The following PSME4 variants were observed in gnomAD, a reference collection of about 807,000 sequenced individuals.
PSME4 encodes proteasome activator complex subunit 4.
A neutral mutation model predicts 253.9 loss-of-function variants in PSME4; 89 were observed. The observed-to-expected ratio is 0.35, with a 90% confidence interval of 0.30 to 0.42. The LOEUF is 0.42. Ranked by LOEUF, PSME4 falls within the 10% of genes least tolerant of loss-of-function variation. The pLI is 1.00. For synonymous variants in PSME4, 851 were observed against 759.2 expected, an observed-to-expected ratio of 1.12 and a Z score of -1.99; for missense variants, 2,014 against 2,195.2, an observed-to-expected ratio of 0.92 and a Z score of 1.65.
At chr2:53,958,030 A>G (rs756934743) in intron 1 of PSME4, among the ~76,000 whole-genome samples, 5 of 152,048 alleles carry the variant, frequency 3.3e-5, no homozygotes, top group Non-Finnish European at 7.4e-5. Flanking sequence ...TACTAAAAAT[A>G]CAAAAATTAG....
intron 31 of PSME4, 111 bp from the exon 32 acceptor site, chr2:53,896,996 G>T: frequency 1.3e-6 from 1 of 786,414 alleles, no homozygotes; most frequent in Non-Finnish European, 2.2e-6. Flanking sequence ...AAAACACCTC[G>T]CCTATCGACA....
At chr2:53,964,938 T>C (rs1047247107) in intron 1 of PSME4, among the ~76,000 whole-genome samples, 1 of 152,232 alleles carries the variant, frequency 6.6e-6, no homozygotes, top group African/African-American at 2.4e-5. Flanking sequence ...GCCACAGTTT[T>C]AATTAGCAAT....
chr2:53,905,563 A>C (rs1320137674), intron 26 of PSME4, among the ~76,000 whole-genome samples: 1 of 152,118 alleles, frequency 6.6e-6, no homozygotes, highest in African/African-American at 2.4e-5. Context: ...TTAGTCCAGC[A>C]TGGTGGCGCA....
chr2:53,912,321 T>C (rs1667861779), intron 20 of PSME4, among the ~76,000 whole-genome samples: 1 of 152,234 alleles, frequency 6.6e-6, no homozygotes. Context: ...GGGAAGACTA[T>C]ATATAGGACA....
chr2:53,909,157 T>A (rs1283824028), intron 21 of PSME4, among the ~76,000 whole-genome samples: 1 of 152,096 alleles, frequency 6.6e-6, no homozygotes, highest in Non-Finnish European at 1.5e-5. Context: ...AAAAACCACC[T>A]TTGCCAATAT....
chr2:53,917,023 A>T (rs1459967060), intron 20 of PSME4, among the ~76,000 whole-genome samples: 1 of 150,708 alleles, frequency 6.6e-6, no homozygotes, highest in Non-Finnish European at 1.5e-5. Flanking sequence ...TATTTTTAAA[A>T]ATTGAAGTTT....
At chr2:53,901,807 C>G (rs148730697) in intron 27 of PSME4, among the ~76,000 whole-genome samples, 61 of 152,252 alleles carry the variant, frequency 4.0e-4, no homozygotes, top group Admixed American at 1.2e-3. Flanking sequence ...AGGTGGCTCA[C>G]GCCTGTAATT....
At chr2:53,909,744 T>C (rs931066447) in intron 21 of PSME4, among the ~76,000 whole-genome samples, 2 of 152,112 alleles carry the variant, frequency 1.3e-5, no homozygotes, top group African/African-American at 4.8e-5. Context: ...GGTAGATCAC[T>C]TGATGTCAGG....
intron 34 of PSME4, among the ~76,000 whole-genome samples, chr2:53,894,730 C>T (rs541857225): frequency 6.6e-6 from 1 of 151,550 alleles, no homozygotes; most frequent in African/African-American, 2.4e-5. Flanking sequence ...AGAACTGATA[C>T]AAGAAATGAG....
intron 16 of PSME4, 145 bp from the exon 17 acceptor site, chr2:53,922,729 C>A: frequency 9.1e-7 from 1 of 1,104,504 alleles, no homozygotes; most frequent in Non-Finnish European, 1.3e-6. Flanking sequence ...TGAAGCTGAG[C>A]TTGTTCCAAA....
rs544865015 is a variant in PSME4, at chr2:53,927,576, T to A, written c.1504-93A>T. 1.4e-4 allele frequency: 125 copies of A among 905,234 alleles called. No individual in the cohort carries two copies. The Middle Eastern group carries it at 3.4e-3, about 25-fold the overall frequency. The allele number at this position is 905,234 out of a possible 1,614,324, so 56.1% of individuals were successfully genotyped here. A position where few individuals can be genotyped will look rare whatever the true frequency, so the allele number is the denominator to read the frequency against. On this transcript the variant is annotated intron_variant, in intron 11 of 46. Transcript: ENST00000404125. The stretch of plus-strand genomic sequence containing the variant: ...ACTACAATAAATTACCCCAATAAAT[T>A]ATCTTGATCAAAATCCCACAACAGT...
In PSME4 at chr2:53,906,875, A is replaced by T; in HGVS notation, c.2785-7T>A. Reference sequence around the variant, plus strand: ...GTTGTTTTTTCCCATGGAGCTGGAAAACAAAGTAGCAACAAATACTTCAAC... The same window carrying T: ...GTTGTTTTTTCCCATGGAGCTGGAATACAAAGTAGCAACAAATACTTCAAC... On this transcript the variant is annotated splice_region_variant and splice_polypyrimidine_tract_variant and intron_variant, in intron 24 of 46. Coordinates refer to ENST00000404125, the MANE Select transcript of PSME4 (RefSeq NM_014614.3). The T allele has an allele frequency of 6.2e-7, 1 of 1,612,486 alleles. No individual in the cohort carries two copies. Among genetic ancestry groups the T allele is most frequent in the Non-Finnish European group, 8.5e-7 (1 of 1,179,112 alleles).
At chr2:53,958,661 A>G (rs1212572888) in intron 1 of PSME4, among the ~76,000 whole-genome samples, 1 of 152,218 alleles carries the variant, frequency 6.6e-6, no homozygotes, top group African/African-American at 2.4e-5. Context: ...TTCTGAATCT[A>G]GATCAAAAGA....
chr2:53,900,093 T>C (rs1680326456), intron 28 of PSME4, 76 bp from the exon 29 acceptor site: 1 of 1,365,026 alleles, frequency 7.3e-7, no homozygotes, highest in Non-Finnish European at 1.0e-6. Context: ...GAAAATGTCA[T>C]GCTAAGTGAA....
chr2:53,935,535 C>A (rs1377430680), intron 7 of PSME4, among the ~76,000 whole-genome samples: 1 of 152,128 alleles, frequency 6.6e-6, no homozygotes, highest in Non-Finnish European at 1.5e-5. Context: ...TTTATTTACT[C>A]TAAGAAAATA....
chr2:53,965,995 A>T (rs1048919207), intron 1 of PSME4, among the ~76,000 whole-genome samples: 1 of 152,018 alleles, frequency 6.6e-6, no homozygotes, highest in African/African-American at 2.4e-5. Flanking sequence ...TTAACACTCC[A>T]CTACTGGCAC....
chr2:53,919,116 T>C (rs2104449761), intron 20 of PSME4, 35 bp downstream of exon 20: 1 of 1,577,464 alleles, frequency 6.3e-7, no homozygotes, highest in Non-Finnish European at 8.6e-7. Context: ...AGACTTAAAA[T>C]ATATGTTAAG....
chr2:53,948,210 G>A (rs1669814720), intron 3 of PSME4, among the ~76,000 whole-genome samples: 1 of 152,144 alleles, frequency 6.6e-6, no homozygotes, highest in Admixed American at 6.5e-5. Flanking sequence ...CAGGATGTAG[G>A]TGCAAGAAGT....
chr2:53,866,655 A>G (rs1678578361), intron 45 of PSME4, 92 bp downstream of exon 45: 1 of 1,342,604 alleles, frequency 7.4e-7, no homozygotes, highest in South Asian at 1.6e-5. Context: ...TTATGAAAGC[A>G]GTTAGTTCAG....
Sources: gnomAD v4.1 joint callset for allele counts (sites outside exome capture counted in the v4.1 genomes callset) on GRCh38, gnomAD v4.1.1 for gene constraint, MANE v1.5 for transcripts, NCBI Gene and HGNC (gene_info 2026-07-23, HGNC 2026-07-21) for gene names.